Variants in ATM observed in about 807,000 individuals in gnomAD.
ATM encodes ATM serine/threonine kinase.
In ATM, 308 loss-of-function variants were observed where a neutral mutation model predicts 387.0. The observed-to-expected ratio is 0.80, with a 90% CI of 0.73 to 0.87. The LOEUF (loss-of-function observed/expected upper bound fraction) is 0.87, where lower values mean the gene tolerates loss of function less well. Among genes scored for constraint, ATM ranks in the 40% least tolerant of loss-of-function variants. The probability of loss-of-function intolerance (pLI) is 0.00; values close to 1 mark genes in which losing one functional copy is unlikely to be tolerated. For missense variants in ATM, 3,312 were observed against 3,560.9 expected, an observed-to-expected ratio of 0.93 and a Z score of 1.78; for synonymous variants, 1,156 against 1,187.3, an observed-to-expected ratio of 0.97 and a Z score of 0.54.
chr11:108,346,060 A>G, intron 58 of ATM, 152 bp downstream of exon 58: 1 of 835,126 alleles, frequency 1.2e-6, no homozygotes, highest in Non-Finnish European at 1.9e-6. Context: ...ATTAAATCAT[A>G]TGTTTCTTGT....
chr11:108,229,449 AAAGTT>A (rs1359206924), intron 4 of ATM, 126 bp downstream of exon 4: 13 of 982,290 alleles, frequency 1.3e-5, no homozygotes, highest in Non-Finnish European at 1.8e-5. Flanking sequence ...GAATAAGATA[AAAGTT>A]GAGTGTAAGT....
At position 108,244,879 on chromosome 11, in the gene ATM, T is replaced by A. The variant is rs863224580; in HGVS notation, c.754T>A (p.Cys252Ser). The A allele has an allele frequency of 6.2e-7, 1 of 1,613,780 alleles. No individual in the cohort carries two copies. The highest frequency in any genetic ancestry group is 1.3e-5 in the African/African-American group (1 of 74,916). The change falls in exon 7 of 63, where the codon TGT (cysteine) becomes AGT (serine). Residue 252 changes from cysteine to serine, a missense_variant. Cys to Ser is a moderately radical substitution (Grantham distance 112). Coordinates refer to ENST00000675843, the MANE Select transcript of ATM (RefSeq NM_000051.4). Reference sequence around the variant, plus strand: ...GGCTGTCAACTTTCGAATTCGAGTGTGTGAATTAGGAGATGAAATTCTTCC... The same window carrying A: ...GGCTGTCAACTTTCGAATTCGAGTGAGTGAATTAGGAGATGAAATTCTTCC... Reference protein sequence around the residue: ...TLAVNFRIRVCELGDEILPTL... With the variant: ...TLAVNFRIRVSELGDEILPTL...
rs2080484145 is a variant in ATM at position 108,256,338 on chromosome 11, A to G, written c.2248A>G (p.Lys750Glu). The stretch of plus-strand genomic sequence containing the variant: ...TAAGTCAGAATTATTCCAGAAAGCC[A>G]AGGTAGGAGAATTTATACTAATAAA... ...AYKSELFQKA[K>E]SLMQCAGESI... Residue 750 changes from lysine (K) to glutamate (E), a missense_variant and splice_region_variant, in exon 14 of 63, where the codon AAG becomes GAG. Around this residue, in one of 4 missense-constraint regions of ATM, gnomAD observed 1,791 missense variants for 1,804.5 expected, o/e 0.99. Coordinates refer to ENST00000675843, the MANE Select transcript of ATM (RefSeq NM_000051.4). The G allele has an allele frequency of 1.2e-6, 2 of 1,609,118 alleles. No homozygotes were observed. Among genetic ancestry groups the G allele is most frequent in the Admixed American group, 1.7e-5 (1 of 59,934 alleles).
intron 6 of ATM, 36 bp from the exon 7 acceptor site, chr11:108,244,751 CT>C (rs763196164): frequency 2.3e-5 from 35 of 1,498,044 alleles, no homozygotes; most frequent in Non-Finnish European, 3.2e-5. Context: ...TTTGTTCCCC[CT>C]GTTATACCCA....
intron 5 of ATM, among the ~76,000 whole-genome samples, chr11:108,243,719 T>C (rs2079681381): frequency 6.6e-6 from 1 of 152,226 alleles, no homozygotes; most frequent in Admixed American, 6.5e-5. Context: ...TTCTGCGACC[T>C]GGCTCTTAAA....
At chr11:108,251,096 T>C (rs759838529) in intron 10 of ATM, 24 bp downstream of exon 10, 1 of 1,613,584 alleles carries the variant, frequency 6.2e-7, no homozygotes, top group South Asian at 1.1e-5. Flanking sequence ...GCATTATGTC[T>C]GACTTACAGA....
Position 108,368,801 on chromosome 11 carries a change from TG to T in ATM, c.*3295del, listed in dbSNP as rs2091460263. 4.8e-6 allele frequency: 1 copy of T among 207,906 alleles called. No individual in the cohort carries two copies. The highest frequency in any genetic ancestry group is 9.8e-6 in the Non-Finnish European group (1 of 101,986). 12.9% of individuals were successfully genotyped at this position (207,906 alleles called of 1,614,324 possible). On this transcript the variant is annotated 3_prime_UTR_variant, in exon 63 of 63. Coordinates refer to ENST00000675843, the MANE Select transcript of ATM (RefSeq NM_000051.4). ...CCTAATCAGTAGGTTCACAAACTCT[TG>T]GTCATTATAGTATATGCCTAAAATG...
rs1351798568 is a variant in ATM, at chr11:108,259,056, C to T, written c.2447C>T (p.Ala816Val). ...ACATCAAAGCTAATGAATGACATTG[C>T]AGATATTTGTAAAAGTTTAGTAAGT... ...LLTSKLMNDI[A>V]DICKSLASFI... Residue 816 changes from alanine (A) to valine (V), a missense_variant, in exon 16 of 63, where the codon GCA (alanine) becomes GTA (valine). Around this residue, in one of 4 missense-constraint regions of ATM, gnomAD observed 1,791 missense variants for 1,804.5 expected, o/e 0.99. Coordinates refer to ENST00000675843, the MANE Select transcript of ATM (RefSeq NM_000051.4). 4 of 1,613,208 alleles carry T rather than the reference C, an allele frequency of 2.5e-6. No homozygotes were observed. The highest frequency in any genetic ancestry group is 3.4e-6 in the Non-Finnish European group (4 of 1,179,620).
chr11:108,271,008 T>C, intron 18 of ATM, 56 bp from the exon 19 acceptor site: 1 of 1,477,224 alleles, frequency 6.8e-7, no homozygotes, highest in Non-Finnish European at 9.4e-7. Flanking sequence ...TTTATATACT[T>C]TTTAAAGTAA....
Position 108,251,040 on chromosome 11 carries a change from G to A in ATM, c.1575G>A (p.Lys525=), listed in dbSNP as rs587780613. The stretch of plus-strand genomic sequence containing the variant: ...TTGAGGTTGACAGAGAATTCTGGAA[G>A]TTATTTACTGGGTCAGCCTGCAGAC... ...SLVEVDREFW[K]LFTGSACRPS... The change falls in exon 10 of 63, where the codon AAG becomes AAA. Residue 525 remains lysine, a synonymous_variant. Coordinates refer to ENST00000675843, the MANE Select transcript of ATM (RefSeq NM_000051.4). 1.2e-6 allele frequency: 2 copies of A among 1,614,138 alleles called. No homozygotes were observed. The highest frequency in any genetic ancestry group is 1.7e-6 in the Non-Finnish European group (2 of 1,180,028).
chr11:108,319,884 A>C (rs571319637), intron 43 of ATM, 70 bp from the exon 44 acceptor site: 1 of 1,084,816 alleles, frequency 9.2e-7, no homozygotes, highest in East Asian at 2.4e-5. Context: ...TCCTTTGGTG[A>C]AGCTATTTAT....
chr11:108,340,938 G>GT (rs563151841), intron 56 of ATM, among the ~76,000 whole-genome samples: 2 of 152,048 alleles, frequency 1.3e-5, no homozygotes, highest in South Asian at 2.1e-4. Flanking sequence ...TTTTATTGAG[G>GT]TTTTTTTGGT....
chr11:108,308,709 T>G (rs1591737087), intron 38 of ATM: 1 of 312,932 alleles, frequency 3.2e-6, no homozygotes, highest in Admixed American at 4.3e-5. Context: ...GAGGGAGAGG[T>G]GAGTGAAAAA....
intron 8 of ATM, among the ~76,000 whole-genome samples, chr11:108,248,608 G>A (rs549742503): frequency 6.6e-6 from 1 of 152,078 alleles, no homozygotes; most frequent in Admixed American, 6.5e-5. Context: ...AGTGTATTTG[G>A]CCAGGCGTGG....
At position 108,315,823 on chromosome 11, in the gene ATM, G is replaced by A. The variant is rs730881378; in HGVS notation, c.6007G>A (p.Asp2003Asn). The change falls in exon 41 of 63, where the codon GAT becomes AAT. Residue 2003 changes from aspartate to asparagine, a missense_variant and splice_region_variant. Around this residue, in one of 4 missense-constraint regions of ATM, gnomAD observed 1,405 missense variants for 1,604.4 expected, o/e 0.88. Transcript: ENST00000675843. ...ATTTTTGTTGTTTCCATGTTTTCAG[G>A]ATCTTCTCTTAGAAATCTACAGAAG... ...SKEETGISLQDLLLEIYRSIG... is the reference protein window; with the variant it reads ...SKEETGISLQNLLLEIYRSIG... The A allele has an allele frequency of 6.2e-7, 1 of 1,609,802 alleles. No individual in the cohort carries two copies. The highest frequency in any genetic ancestry group is 8.5e-7 in the Non-Finnish European group (1 of 1,176,414).
intron 33 of ATM, 71 bp downstream of exon 33, chr11:108,297,453 T>A: frequency 3.2e-6 from 4 of 1,246,688 alleles, no homozygotes; most frequent in Non-Finnish European, 3.5e-6. Flanking sequence ...ATTATAATAC[T>A]GTATTTTTAC....
At chr11:108,320,093 AT>A (rs1395433660) in intron 44 of ATM, 35 bp downstream of exon 44, 1 of 1,425,646 alleles carries the variant, frequency 7.0e-7, no homozygotes. Context: ...GTATTTTAAC[AT>A]TTAATGTCAT....
Position 108,367,749 on chromosome 11 carries a change from T to C in ATM, c.*2241T>C, listed in dbSNP as rs1219122262. On this transcript the variant is annotated 3_prime_UTR_variant, in exon 63 of 63. Coordinates refer to ENST00000675843, the MANE Select transcript of ATM (RefSeq NM_000051.4). The stretch of plus-strand genomic sequence containing the variant: ...CCCTAAAACCAATCTCCAGAACTTT[T>C]TGGACTATAAATTTCTTGGTTTGAC... The C allele has an allele frequency of 1.8e-5, 4 of 217,374 alleles. No homozygotes were observed. Among genetic ancestry groups the C allele is most frequent in the South Asian group, 1.9e-4 (1 of 5,400 alleles). The allele number at this position is 217,374 out of a possible 1,614,324, so 13.5% of individuals were successfully genotyped here. A position where few individuals can be genotyped will look rare whatever the true frequency, so the allele number is the denominator to read the frequency against.
intron 48 of ATM, among the ~76,000 whole-genome samples, chr11:108,328,013 A>G (rs555457357): frequency 6.6e-6 from 1 of 152,262 alleles, no homozygotes; most frequent in South Asian, 2.1e-4. Context: ...CTACCCTTTC[A>G]GCAGGTTGCT....
Sources: allele counts gnomAD v4.1 joint callset (sites outside exome capture counted in the v4.1 genomes callset), GRCh38; gene constraint gnomAD v4.1.1; regional missense constraint gnomAD v4.1.1; transcripts MANE v1.5; gene names NCBI Gene and HGNC (gene_info 2026-07-23, HGNC 2026-07-21).